TUBGCP6: variants seen among roughly 807,000 people sequenced by gnomAD.
The protein encoded by TUBGCP6 is gamma-tubulin complex component 6.
Under a neutral mutation model 175.8 loss-of-function variants are expected in TUBGCP6, and 161 were observed. The observed-to-expected ratio is 0.92, with a 90% CI of 0.81 to 1.04. The LOEUF (loss-of-function observed/expected upper bound fraction) is 1.04, where lower values mean the gene tolerates loss of function less well. Among genes scored for constraint, TUBGCP6 ranks in the 50% least tolerant of loss-of-function variants. The probability of loss-of-function intolerance (pLI) is 0.00; values close to 1 mark genes in which losing one functional copy is unlikely to be tolerated. For synonymous variants in TUBGCP6, 1,173 were observed against 1,030.5 expected (o/e 1.14, Z -2.65); for missense variants, 2,572 against 2,433.0 (o/e 1.06, Z -1.20).
Position 50,218,169 on chromosome 22 carries a change from A to C in TUBGCP6, c.5168+20T>G, listed in dbSNP as rs762621770. 3 of 1,610,154 alleles carry C rather than the reference A, an allele frequency of 1.9e-6. No homozygotes were observed. Among genetic ancestry groups the C allele is most frequent in the East Asian group, 4.5e-5 (2 of 44,830 alleles). ...GGCTGAGCCGTGACCACAGGGACGC[A>C]GCCGCTGCCCAGGCCTCACCTGAAG... is the stretch of plus-strand genomic sequence containing the variant. On this transcript the variant is annotated intron_variant, in intron 23 of 24. Transcript: ENST00000248846.
chr22:50,219,474 C>A lies in TUBGCP6; in HGVS notation c.4316-18G>T. ...CGGCTCGGCTGCGGGAGATGGAGCACGCACGTGCTGGGAACCGGCCAGCCC... is the reference window on the plus strand; with the variant it reads ...CGGCTCGGCTGCGGGAGATGGAGCAAGCACGTGCTGGGAACCGGCCAGCCC... On this transcript the variant is annotated intron_variant, in intron 18 of 24. Transcript: ENST00000248846. 6.3e-7 allele frequency: 1 copy of A among 1,590,364 alleles called. No homozygotes were observed. Among genetic ancestry groups the A allele is most frequent in the Non-Finnish European group, 8.6e-7 (1 of 1,169,586 alleles).
chr22:50,220,841 T>C lies in TUBGCP6; in HGVS notation c.3518A>G (p.Glu1173Gly), dbSNP rs1293006250. ...HVSDASISLG[E>G]SVSDMAPARP... ...GGCGGGAGCCATGTCTGACACAGAC[T>C]CCCCCAAGCTGATGCTGGCATCGGA... The change falls in exon 16 of 25, where the codon GAG becomes GGG. Residue 1173 changes from glutamate (E) to glycine (G), a missense_variant. Physicochemically the swap from Glu to Gly is moderately conservative, Grantham distance 98. Coordinates refer to ENST00000248846, the MANE Select transcript of TUBGCP6 (RefSeq NM_020461.4). The C allele has an allele frequency of 5.0e-6, 8 of 1,601,136 alleles. No individual in the cohort carries two copies. Among genetic ancestry groups the C allele is most frequent in the Non-Finnish European group, 6.8e-6 (8 of 1,174,416 alleles).
rs766954606 is a variant in TUBGCP6 at position 50,233,476 on chromosome 22, G to A, written c.956C>T (p.Ala319Val). The A allele has an allele frequency of 2.5e-6, 4 of 1,612,360 alleles. No individual in the cohort carries two copies. The South Asian group carries it at 4.4e-5, about 18-fold the overall frequency. ...GTGGAGCCTGCAGAACTTGTCGAAA[G>A]CGTCCCTTCCCGCCTCCGTCAGGTA... is the stretch of plus-strand genomic sequence containing the variant. ...EPYLTEAGRD[A>V]FDKFCRLHQG... Residue 319 changes from alanine (A) to valine (V), a missense_variant, in exon 3 of 25, where the codon GCT becomes GTT. Physicochemically the swap from Ala to Val is moderately conservative, Grantham distance 64. Transcript: ENST00000248846.
In TUBGCP6 at chr22:50,243,763, G is replaced by T; in HGVS notation, c.697C>A (p.Pro233Thr). The change falls in exon 1 of 25, where the codon CCC (proline) becomes ACC (threonine). Residue 233 changes from proline to threonine, a missense_variant. Coordinates refer to ENST00000248846, the MANE Select transcript of TUBGCP6 (RefSeq NM_020461.4). ...TYDMDVRLGLPPVPDNADLSG... is the reference protein window; with the variant it reads ...TYDMDVRLGLTPVPDNADLSG... Reference sequence around the variant, plus strand: ...AGGTCCGCATTGTCTGGCACGGGGGGCAGGCCCAGTCGGACGTCCATGTCA... The same window carrying T: ...AGGTCCGCATTGTCTGGCACGGGGGTCAGGCCCAGTCGGACGTCCATGTCA... 1 of 1,613,630 alleles carries T rather than the reference G, an allele frequency of 6.2e-7. No individual in the cohort carries two copies. The highest frequency in any genetic ancestry group is 8.5e-7 in the Non-Finnish European group (1 of 1,180,008).
Position 50,218,740 on chromosome 22 carries a change from G to T in TUBGCP6, c.4784C>A (p.Ala1595Asp). ...KYLPEVFAPN[A>D]PDVLSCLELR... ...CTCCAGGCAGCTCAGCACATCCGGG[G>T]CGTTGGGGGCAAACACCTCGGGCAG... The change falls in exon 21 of 25, where the codon GCC becomes GAC. Residue 1595 changes from alanine to aspartate, a missense_variant. Ala to Asp is a moderately radical substitution (Grantham distance 126). Coordinates refer to ENST00000248846, the MANE Select transcript of TUBGCP6 (RefSeq NM_020461.4). The T allele has an allele frequency of 6.2e-7, 1 of 1,614,048 alleles. No individual in the cohort carries two copies. Among genetic ancestry groups the T allele is most frequent in the Non-Finnish European group, 8.5e-7 (1 of 1,179,998 alleles).
In TUBGCP6 at chr22:50,243,833, G is replaced by A. The variant is rs745400197; in HGVS notation, c.627C>T (p.Asp209=). The A allele has an allele frequency of 1.2e-6, 2 of 1,613,624 alleles. No homozygotes were observed. Among genetic ancestry groups the A allele is most frequent in the Non-Finnish European group, 1.7e-6 (2 of 1,179,994 alleles). The change falls in exon 1 of 25, where the codon GAC becomes GAT. Residue 209 remains aspartate, a synonymous_variant. Transcript: ENST00000248846. ...GDPCGDRFER[D]TRVSLFGALV... ...GGGCCCCGAAGAGCGAGACCCGGGT[G>A]TCTCTCTCGAACCTGTCACCACAAG... is the stretch of plus-strand genomic sequence containing the variant.
At chr22:50,228,405 C>T (rs1319022731) in intron 4 of TUBGCP6, among the ~76,000 whole-genome samples, 2 of 152,120 alleles carry the variant, frequency 1.3e-5, no homozygotes, top group African/African-American at 4.8e-5. Flanking sequence ...GGGGAAATGG[C>T]GGCCGTGCTC....
rs1458615557 is a variant in TUBGCP6 at position 50,244,216 on chromosome 22, G to A, written c.244C>T (p.Leu82=). 6.2e-7 allele frequency: 1 copy of A among 1,613,246 alleles called. No homozygotes were observed. The highest frequency in any genetic ancestry group is 8.5e-7 in the Non-Finnish European group (1 of 1,180,048). The change falls in exon 1 of 25, where the codon CTG becomes TTG. Residue 82 remains leucine, a synonymous_variant. Coordinates refer to ENST00000248846, the MANE Select transcript of TUBGCP6 (RefSeq NM_020461.4). ...TCCAAACGGTCGGCCTTGGGGCCCA[G>A]GCCACCCACTCTCAAGTCAAAGGAC... is the stretch of plus-strand genomic sequence containing the variant. ...MLSFDLRVGG[L]GPKADRLEEL...
chr22:50,230,398 G>A lies in TUBGCP6; in HGVS notation c.1117-821C>T, dbSNP rs548993152. ...AAGGCAGGTGGATCACTTCAGGTCA[G>A]GAGTTCATGACAAGCCTGGCCAACA... On this transcript the variant is annotated intron_variant, in intron 3 of 24. Coordinates refer to ENST00000248846, the MANE Select transcript of TUBGCP6 (RefSeq NM_020461.4). Among the ~76,000 whole-genome samples, 3 of 152,220 alleles carry A rather than the reference G, an allele frequency of 2.0e-5. No homozygotes were observed. In the East Asian group the frequency reaches 5.8e-4, roughly 29 times the overall value.
In TUBGCP6 at chr22:50,227,952, A is replaced by C. The variant is rs1239507956; in HGVS notation, c.1367T>G (p.Leu456Arg). ...CTTGAAGAGAAAACCAATGGTGAGGAGGCTCAGGGTGGGCGGAGTGGAAAG... is the reference window on the plus strand; with the variant it reads ...CTTGAAGAGAAAACCAATGGTGAGGCGGCTCAGGGTGGGCGGAGTGGAAAG... ...CVLSTPPTLSLLTIGFLFKKL... is the reference protein window; with the variant it reads ...CVLSTPPTLSRLTIGFLFKKL... Residue 456 changes from leucine to arginine, a missense_variant, in exon 5 of 25, where the codon CTC becomes CGC. Physicochemically the swap from Leu to Arg is moderately radical, Grantham distance 102. Coordinates refer to ENST00000248846, the MANE Select transcript of TUBGCP6 (RefSeq NM_020461.4). 6 of 1,573,540 alleles carry C rather than the reference A, an allele frequency of 3.8e-6. No homozygotes were observed. Among genetic ancestry groups the C allele is most frequent in the Non-Finnish European group, 5.2e-6 (6 of 1,159,146 alleles).
At chr22:50,240,434 G>C (rs1004838337) in intron 1 of TUBGCP6, 67 bp from the exon 2 acceptor site, 1 of 1,580,592 alleles carries the variant, frequency 6.3e-7, no homozygotes, top group South Asian at 1.1e-5. Context: ...AGGGCGATGA[G>C]AATTTCAGGA....
rs773723030 is a variant in TUBGCP6, at chr22:50,218,375, A to C, written c.4982T>G (p.Val1661Gly). The C allele has an allele frequency of 1.2e-6, 2 of 1,613,062 alleles. No homozygotes were observed. Among genetic ancestry groups the C allele is most frequent in the South Asian group, 1.1e-5 (1 of 91,092 alleles). The change falls in exon 23 of 25, where the codon GTG becomes GGG. Residue 1661 changes from valine (V) to glycine (G), a missense_variant. Physicochemically the swap from Val to Gly is moderately radical, Grantham distance 109. Transcript: ENST00000248846. Reference protein sequence around the residue: ...TALLSHMAGSVQFRQLQLFKH... With the variant: ...TALLSHMAGSGQFRQLQLFKH... ...GAACAGCTGCAGCTGACGGAACTGC[A>C]CAGAGCCGGCCATGTGGCTCAGCAG...
At position 50,218,125 on chromosome 22, in the gene TUBGCP6, G is replaced by A; in HGVS notation, c.5169-8C>T. On this transcript the variant is annotated splice_region_variant and splice_polypyrimidine_tract_variant and intron_variant, in intron 23 of 24. Transcript: ENST00000248846. ...TTCTCCGTGAGCAGGCCCCTGGGGG[G>A]AAGCAGTGCTGCTGGGTGGGCTGAG... 6.2e-7 allele frequency: 1 copy of A among 1,611,542 alleles called. No individual in the cohort carries two copies. Among genetic ancestry groups the A allele is most frequent in the Non-Finnish European group, 8.5e-7 (1 of 1,179,308 alleles).
chr22:50,235,138 G>A (rs2064754650), intron 2 of TUBGCP6, among the ~76,000 whole-genome samples: 1 of 141,098 alleles, frequency 7.1e-6, no homozygotes, highest in African/African-American at 2.7e-5. Flanking sequence ...CCGTGTCCAT[G>A]GCAGCATCCA....
intron 3 of TUBGCP6, among the ~76,000 whole-genome samples, chr22:50,232,568 A>G (rs548691490): frequency 6.6e-6 from 1 of 151,522 alleles, no homozygotes; most frequent in African/African-American, 2.4e-5. Flanking sequence ...AAAAAAAAAA[A>G]GAGAGTCAGG....
At chr22:50,231,509 C>T (rs2064691461) in intron 3 of TUBGCP6, among the ~76,000 whole-genome samples, 1 of 151,544 alleles carries the variant, frequency 6.6e-6, no homozygotes, top group Non-Finnish European at 1.5e-5. Context: ...AAACAAAAAG[C>T]TGGCTCTTTG....
chr22:50,229,476 G>C lies in TUBGCP6; in HGVS notation c.1218C>G (p.Cys406Trp), dbSNP rs185080513. Residue 406 changes from cysteine to tryptophan, a missense_variant, in exon 4 of 25, where the codon TGC (cysteine) becomes TGG (tryptophan). By Grantham distance (215) the Cys-to-Trp change is radical (BLOSUM62 -2). Transcript: ENST00000248846. ...LLSEVAEYGT[C>W]YTRLSHFSLQ... is the part of the protein sequence containing the mutation. ...GAGAGAAATGACTCAGGCGCGTGTA[G>C]CAGGTCCCATACTCGGCCACTTCCG... 1 of 1,612,970 alleles carries C rather than the reference G, an allele frequency of 6.2e-7. No individual in the cohort carries two copies. Among genetic ancestry groups the C allele is most frequent in the East Asian group, 2.2e-5 (1 of 44,882 alleles).
chr22:50,240,126 C>T lies in TUBGCP6; in HGVS notation c.905+78G>A, dbSNP rs1183035046. On this transcript the variant is annotated intron_variant, in intron 2 of 24. Transcript: ENST00000248846. ...TGCCTGGACCCCTGAGTACACAACGCCCCCCACACACCCCATCCAAGGCCA... is the reference window on the plus strand; with the variant it reads ...TGCCTGGACCCCTGAGTACACAACGTCCCCCACACACCCCATCCAAGGCCA... The T allele has an allele frequency of 2.5e-6, 4 of 1,583,304 alleles. No individual in the cohort carries two copies. The African/African-American group carries it at 4.0e-5, about 16-fold the overall frequency.
intron 3 of TUBGCP6, among the ~76,000 whole-genome samples, chr22:50,230,541 G>C (rs2064674132): frequency 1.3e-5 from 2 of 151,926 alleles, no homozygotes; most frequent in East Asian, 3.9e-4. Flanking sequence ...GGGAGGCAGA[G>C]GTTGCAGTGA....
Sources: gnomAD v4.1 joint callset for allele counts (sites outside exome capture counted in the v4.1 genomes callset) on GRCh38, gnomAD v4.1.1 for gene constraint, MANE v1.5 for transcripts, NCBI Gene and HGNC (gene_info 2026-07-23, HGNC 2026-07-21) for gene names.